The following SORCS2 variants were observed in gnomAD, a reference collection of about 807,000 sequenced individuals.
SORCS2 encodes the protein VPS10 domain-containing receptor SorCS2.
In SORCS2, 100 loss-of-function variants were observed where a neutral mutation model predicts 141.6. The ratio of observed to expected loss-of-function variants is 0.71; its 90% CI spans 0.60 to 0.83. SORCS2 has a LOEUF of 0.83. SORCS2 is among the 40% of genes least tolerant of loss of function. The pLI, the probability that SORCS2 is intolerant of heterozygous loss-of-function variation, is 0.00. For synonymous variants in SORCS2, 789 were observed against 676.9 expected (o/e 1.17, Z -2.57); for missense variants, 1,646 against 1,560.2 (o/e 1.05, Z -0.93).
intron 1 of SORCS2, among the ~76,000 whole-genome samples, chr4:7,351,783 T>C (rs1400966713): frequency 1.3e-5 from 2 of 151,824 alleles, no homozygotes; most frequent in Non-Finnish European, 2.9e-5. Context: ...CACCCATTTA[T>C]CATCCATCCA....
At chr4:7,431,707 G>C (rs1293910517) in intron 2 of SORCS2, 9 of 152,234 alleles carry the variant, frequency 5.9e-5, no homozygotes, top group South Asian at 2.1e-4. Context: ...TATCTTTTGT[G>C]GGACTGCCCA....
intron 10 of SORCS2, among the ~76,000 whole-genome samples, chr4:7,684,262 G>T (rs1172197955): frequency 4.6e-5 from 7 of 152,200 alleles, no homozygotes; most frequent in Non-Finnish European, 1.0e-4. Flanking sequence ...CTGAGCCTCT[G>T]TTGAAAACGG....
chr4:7,373,458 TTATATATA>T lies in SORCS2; in HGVS notation c.481-22816_481-22809del, dbSNP rs1553850461. Among the ~76,000 whole-genome samples, 61 of 82,820 alleles carry T rather than the reference TTATATATA, an allele frequency of 7.4e-4. 5 individuals carry two copies. The highest frequency in any genetic ancestry group is 3.9e-3 in the African/African-American group (55 of 14,062). 54.3% of individuals were successfully genotyped at this position (82,820 alleles called of 152,430 possible). A position where few individuals can be genotyped will look rare whatever the true frequency, so the allele number is the denominator to read the frequency against. ...TGTTGTATTGAATTGTGAGAAACTT[TTATATATA>T]TATATATATATATTTTTTTTTTTTT... is the stretch of plus-strand genomic sequence containing the variant. On this transcript the variant is annotated intron_variant, in intron 1 of 26. Transcript: ENST00000507866.
chr4:7,339,535 G>A (rs755954826), intron 1 of SORCS2, among the ~76,000 whole-genome samples: 3 of 152,156 alleles, frequency 2.0e-5, no homozygotes, highest in Non-Finnish European at 4.4e-5. Flanking sequence ...GGCGTGCATG[G>A]CCTGTAGATG....
At chr4:7,594,355 G>A (rs909797767) in intron 3 of SORCS2, among the ~76,000 whole-genome samples, 1 of 152,202 alleles carries the variant, frequency 6.6e-6, no homozygotes, top group Non-Finnish European at 1.5e-5. Flanking sequence ...TGCAACTTTT[G>A]GAAATTACAG....
chr4:7,635,891 C>T (rs970766355), intron 3 of SORCS2, among the ~76,000 whole-genome samples: 1 of 152,298 alleles, frequency 6.6e-6, no homozygotes, highest in East Asian at 1.9e-4. Context: ...GATTAATGAC[C>T]GTAGCTGGGA....
chr4:7,627,987 G>T (rs1462555595), intron 3 of SORCS2, among the ~76,000 whole-genome samples: 1 of 152,222 alleles, frequency 6.6e-6, no homozygotes, highest in African/African-American at 2.4e-5. Context: ...TGGCGAGGAC[G>T]CCAGAGACCC....
intron 3 of SORCS2, among the ~76,000 whole-genome samples, chr4:7,603,192 G>A (rs576102775): frequency 2.0e-5 from 3 of 152,050 alleles, no homozygotes; most frequent in South Asian, 4.2e-4. Flanking sequence ...GGGGGAGGGG[G>A]AGGGGGAGAG....
intron 21 of SORCS2, 37 bp from the exon 22 acceptor site, chr4:7,728,313 C>A: frequency 6.5e-7 from 1 of 1,531,484 alleles, no homozygotes; most frequent in Non-Finnish European, 9.0e-7. Flanking sequence ...CCAGGCTGTC[C>A]AGAACTGACC....
chr4:7,468,043 G>T (rs750762589), intron 2 of SORCS2, among the ~76,000 whole-genome samples: 6 of 152,204 alleles, frequency 3.9e-5, no homozygotes, highest in Non-Finnish European at 7.3e-5. Flanking sequence ...GAGGATGGCA[G>T]CGGGTTCTCC....
At chr4:7,415,907 TG>T (rs1203933397) in intron 2 of SORCS2, among the ~76,000 whole-genome samples, 3 of 152,196 alleles carry the variant, frequency 2.0e-5, no homozygotes, top group Non-Finnish European at 4.4e-5. Flanking sequence ...AGAGGGCAAT[TG>T]GGCATTTCAG....
At chr4:7,492,263 A>G (rs1383026604) in intron 2 of SORCS2, among the ~76,000 whole-genome samples, 1 of 152,196 alleles carries the variant, frequency 6.6e-6, no homozygotes, top group Non-Finnish European at 1.5e-5. Context: ...GGTAACTACC[A>G]TTCTACTCTC....
chr4:7,389,930 C>T (rs1723749161), intron 1 of SORCS2, among the ~76,000 whole-genome samples: 1 of 152,150 alleles, frequency 6.6e-6, no homozygotes, highest in Non-Finnish European at 1.5e-5. Flanking sequence ...GGGCCTCCCT[C>T]CTGGGGATGC....
At chr4:7,516,596 C>G (rs1226470976) in intron 2 of SORCS2, among the ~76,000 whole-genome samples, 4 of 152,094 alleles carry the variant, frequency 2.6e-5, no homozygotes, top group Non-Finnish European at 5.9e-5. Flanking sequence ...GCTGCTTTTC[C>G]TTGGTGGAAT....
intron 3 of SORCS2, among the ~76,000 whole-genome samples, chr4:7,615,930 A>G (rs1360482019): frequency 1.3e-5 from 2 of 152,206 alleles, no homozygotes. Flanking sequence ...TTATATATCA[A>G]CCAGTTAGTT....
At chr4:7,687,038 C>A (rs1217782902) in intron 10 of SORCS2, among the ~76,000 whole-genome samples, 1 of 152,192 alleles carries the variant, frequency 6.6e-6, no homozygotes, top group Admixed American at 6.5e-5. Flanking sequence ...TGAAGCAGCA[C>A]CCTCTAATTC....
chr4:7,555,468 GAC>G (rs1714038674), intron 3 of SORCS2, among the ~76,000 whole-genome samples: 2 of 152,334 alleles, frequency 1.3e-5, no homozygotes, highest in African/African-American at 4.8e-5. Flanking sequence ...AGGCATCTGA[GAC>G]ACAGCCCAGG....
At chr4:7,394,219 C>T (rs957794318) in intron 1 of SORCS2, among the ~76,000 whole-genome samples, 8 of 152,118 alleles carry the variant, frequency 5.3e-5, no homozygotes, top group African/African-American at 1.7e-4. Flanking sequence ...ACTGCATAAA[C>T]GATCCTTCCT....
intron 2 of SORCS2, among the ~76,000 whole-genome samples, chr4:7,487,265 G>C (rs529306659): frequency 2.6e-5 from 4 of 152,364 alleles, no homozygotes; most frequent in African/African-American, 9.6e-5. Context: ...ATAAATCGAA[G>C]TTCTGTTTTC....
Sources: gnomAD v4.1 joint callset for allele counts (sites outside exome capture counted in the v4.1 genomes callset) on GRCh38, gnomAD v4.1.1 for gene constraint, MANE v1.5 for transcripts, NCBI Gene and HGNC (gene_info 2026-07-23, HGNC 2026-07-21) for gene names.